Variants in TMC1 observed in about 807,000 individuals in gnomAD.
TMC1 encodes transmembrane channel like 1, also known as transmembrane channel-like protein 1.
A neutral mutation model predicts 105.8 loss-of-function variants in TMC1; 84 were observed. The ratio of observed to expected loss-of-function variants is 0.79; its 90% CI spans 0.67 to 0.95. TMC1 has a LOEUF of 0.95. Among genes scored for constraint, TMC1 ranks in the 40% least tolerant of loss-of-function variants. The probability of loss-of-function intolerance (pLI) is 0.00; values close to 1 mark genes in which losing one functional copy is unlikely to be tolerated. For synonymous variants in TMC1, 315 were observed against 311.5 expected, an observed-to-expected ratio of 1.01 and a Z score of -0.12; for missense variants, 817 against 914.1, an observed-to-expected ratio of 0.89 and a Z score of 1.37.
At chr9:72,787,828 T>C (rs1016505314) in intron 13 of TMC1, among the ~76,000 whole-genome samples, 1 of 152,178 alleles carries the variant, frequency 6.6e-6, no homozygotes, top group African/African-American at 2.4e-5. Flanking sequence ...GTAATCTCTA[T>C]TTGGGATGAG....
rs1345802582 is a variant in TMC1 at position 72,836,254 on chromosome 9, G to T, written c.*281G>T. On this transcript the variant is annotated 3_prime_UTR_variant, in exon 24 of 24. Coordinates refer to ENST00000297784, the MANE Select transcript of TMC1 (RefSeq NM_138691.3). ...TTTTTTTAACAAATTGAGTTTAGAA[G>T]TGAGTGTAATCCAGCAATACAGTTT... is the stretch of plus-strand genomic sequence containing the variant. 1 of 500,224 alleles carries T rather than the reference G, an allele frequency of 2.0e-6. No individual in the cohort carries two copies. Among genetic ancestry groups the T allele is most frequent in the East Asian group, 3.3e-5 (1 of 30,718 alleles). The allele number at this position is 500,224 out of a possible 1,614,324, so 31.0% of individuals were successfully genotyped here.
intron 4 of TMC1, among the ~76,000 whole-genome samples, chr9:72,639,978 C>G (rs1184466024): frequency 2.0e-5 from 3 of 152,138 alleles, no homozygotes; most frequent in African/African-American, 7.2e-5. Context: ...ATTTCATAGC[C>G]TAATTCAAAA....
Position 72,695,577 on chromosome 9 carries a change from A to C in TMC1, c.236+863A>C, listed in dbSNP as rs545927768. ...GCCATCAGGTGGTGGAATCTCCTCC[A>C]AACACTCCTAGGACTTTGAAGCATG... On this transcript the variant is annotated intron_variant, in intron 7 of 23. Transcript: ENST00000297784. 2.0e-5 allele frequency among the ~76,000 whole-genome samples: 3 copies of C among 152,254 alleles called. No individual in the cohort carries two copies. In the South Asian group the frequency reaches 6.2e-4, roughly 32 times the overall value.
In TMC1 at chr9:72,735,589, G is replaced by A. The variant is rs1205497048; in HGVS notation, c.363-4530G>A. ...TCTTTCTAATTGTACAATGAAATAT[G>A]TTTTCTGGTTAAGAAATACGTTATC... On this transcript the variant is annotated intron_variant, in intron 8 of 23. Transcript: ENST00000297784. Among the ~76,000 whole-genome samples the A allele has an allele frequency of 2.0e-5, 3 of 152,112 alleles. No homozygotes were observed. In the East Asian group the frequency reaches 5.8e-4, roughly 29 times the overall value.
At chr9:72,763,603 T>G (rs1024932296) in intron 12 of TMC1, among the ~76,000 whole-genome samples, 2 of 152,136 alleles carry the variant, frequency 1.3e-5, no homozygotes, top group Admixed American at 1.3e-4. Flanking sequence ...AAGGGAGAGA[T>G]ATTCTCAGCA....
In TMC1 at chr9:72,792,369, A is replaced by G. The variant is rs1434931526; in HGVS notation, c.1566+17A>G. ...GTGGGACAGGTAATGCCACCAACAG[A>G]AGTGTATGGCAATTAGTAGATTAAA... On this transcript the variant is annotated intron_variant, in intron 17 of 23. Transcript: ENST00000297784. The G allele has an allele frequency of 1.9e-6, 3 of 1,613,888 alleles. 1 individual carries two copies. In the South Asian group the frequency reaches 3.3e-5, roughly 18 times the overall value.
chr9:72,542,160 C>T (rs541251874), intron 1 of TMC1, among the ~76,000 whole-genome samples: 1 of 152,160 alleles, frequency 6.6e-6, no homozygotes, highest in South Asian at 2.1e-4. Context: ...CCCATGTCTA[C>T]TAAATACACA....
At chr9:72,563,830 G>A (rs1824099634) in intron 1 of TMC1, among the ~76,000 whole-genome samples, 1 of 150,614 alleles carries the variant, frequency 6.6e-6, no homozygotes, top group South Asian at 2.1e-4. Context: ...AACCTCGAAG[G>A]TGGAGGCTGC....
At chr9:72,767,565 G>A (rs1157118933) in intron 12 of TMC1, among the ~76,000 whole-genome samples, 3 of 152,230 alleles carry the variant, frequency 2.0e-5, no homozygotes, top group Non-Finnish European at 4.4e-5. Context: ...GTAAATGCAT[G>A]AATTGAGTCC....
chr9:72,538,881 G>A (rs190194049), intron 1 of TMC1, among the ~76,000 whole-genome samples: 43 of 152,218 alleles, frequency 2.8e-4, no homozygotes, highest in Middle Eastern at 3.4e-3. Flanking sequence ...TAATGTTAAT[G>A]CTGGTCATTT....
chr9:72,611,598 G>A lies in TMC1; in HGVS notation c.-305-4770G>A, dbSNP rs528953303. ...TGAGCAGAGAAGGTAGGGGGCAGGA[G>A]GAATGGGGAGCATGTCTGTGGCTGA... is the stretch of plus-strand genomic sequence containing the variant. On this transcript the variant is annotated intron_variant, in intron 2 of 23. Transcript: ENST00000297784. 8.5e-5 allele frequency among the ~76,000 whole-genome samples: 13 copies of A among 152,178 alleles called. No homozygotes were observed. In the South Asian group the frequency reaches 2.7e-3, roughly 32 times the overall value.
chr9:72,554,427 C>T (rs1256682357), intron 1 of TMC1, among the ~76,000 whole-genome samples: 1 of 152,134 alleles, frequency 6.6e-6, no homozygotes, highest in Non-Finnish European at 1.5e-5. Context: ...ATACTTTTAA[C>T]AGGAGTGGTT....
chr9:72,588,089 A>G (rs895865090), intron 2 of TMC1, among the ~76,000 whole-genome samples: 2 of 152,034 alleles, frequency 1.3e-5, no homozygotes, highest in African/African-American at 4.8e-5. Context: ...GTGCCCAGAG[A>G]GAGTGCATTT....
chr9:72,526,067 C>T (rs1202813718), intron 1 of TMC1, among the ~76,000 whole-genome samples: 1 of 152,094 alleles, frequency 6.6e-6, no homozygotes, highest in African/African-American at 2.4e-5. Context: ...TTGCTTGTGC[C>T]TGAACTTTGA....
chr9:72,704,462 A>G (rs1344014285), intron 8 of TMC1, among the ~76,000 whole-genome samples: 1 of 152,200 alleles, frequency 6.6e-6, no homozygotes, highest in Non-Finnish European at 1.5e-5. Flanking sequence ...TTTAAAGAGC[A>G]TCTACCATTA....
Position 72,806,337 on chromosome 9 carries a change from G to T in TMC1, c.1695+827G>T, listed in dbSNP as rs1234246578. ...CCTCACCTCCTGGACGGGGCGGCTG[G>T]CCGGGTGGGGGGCTGACCCCCCCAC... On this transcript the variant is annotated intron_variant, in intron 18 of 23. Transcript: ENST00000297784. Among the ~76,000 whole-genome samples the T allele has an allele frequency of 3.4e-5, 5 of 145,788 alleles. No homozygotes were observed. The South Asian group carries it at 6.6e-4, about 19-fold the overall frequency.
At chr9:72,807,102 AACCAGTC>A (rs1828610933) in intron 18 of TMC1, among the ~76,000 whole-genome samples, 1 of 152,180 alleles carries the variant, frequency 6.6e-6, no homozygotes, top group Admixed American at 6.5e-5. Context: ...TCTCCACCAA[AACCAGTC>A]AGGCGTGTCG....
At chr9:72,534,527 AAC>A (rs1259666412) in intron 1 of TMC1, among the ~76,000 whole-genome samples, 2 of 152,242 alleles carry the variant, frequency 1.3e-5, no homozygotes, top group African/African-American at 2.4e-5. Flanking sequence ...GTTAAAAGCT[AAC>A]ACACATGTAG....
chr9:72,578,572 C>T (rs7032885), intron 2 of TMC1, among the ~76,000 whole-genome samples: 49,718 of 151,938 alleles, frequency 0.33, 9,237 homozygotes, highest in African/African-American at 0.49. Context: ...GCAGAGGGAG[C>T]GGCAACTACA....
Sources: allele counts gnomAD v4.1 joint callset (sites outside exome capture counted in the v4.1 genomes callset), GRCh38; gene constraint gnomAD v4.1.1; transcripts MANE v1.5; gene names NCBI Gene and HGNC (gene_info 2026-07-23, HGNC 2026-07-21).